The following AKNAD1 variants were observed in gnomAD, a reference collection of about 807,000 sequenced individuals.
The protein encoded by AKNAD1 is protein AKNAD1.
Under a neutral mutation model 90.8 loss-of-function variants are expected in AKNAD1, and 67 were observed. That is an observed-to-expected ratio of 0.74 (90% CI 0.61 to 0.90). The LOEUF (loss-of-function observed/expected upper bound fraction) is 0.90, where lower values mean the gene tolerates loss of function less well. Among genes scored for constraint, AKNAD1 ranks in the 40% least tolerant of loss-of-function variants. AKNAD1 has a pLI of 0.00. For missense variants in AKNAD1, 957 were observed against 975.4 expected, an observed-to-expected ratio of 0.98 and a Z score of 0.25; for synonymous variants, 327 against 341.4, an observed-to-expected ratio of 0.96 and a Z score of 0.46.
intron 7 of AKNAD1, 157 bp downstream of exon 7, chr1:108,837,393 G>A: frequency 1.5e-6 from 1 of 658,662 alleles, no homozygotes; most frequent in Non-Finnish European, 2.4e-6. Context: ...TTTAAAAGCT[G>A]GTTCCATTTA....
chr1:108,835,627 ATTT>A (rs200186739), intron 7 of AKNAD1, among the ~76,000 whole-genome samples: 20,373 of 145,108 alleles, frequency 0.14, 1,538 homozygotes, highest in African/African-American at 0.2. Context: ...TGTTAATTTA[ATTT>A]TTTTTTTTTT....
At chr1:108,826,843 A>G (rs1664012912) in intron 11 of AKNAD1, among the ~76,000 whole-genome samples, 1 of 149,178 alleles carries the variant, frequency 6.7e-6, no homozygotes, top group Non-Finnish European at 1.5e-5. Flanking sequence ...GGACTCAAGC[A>G]ATCTTCCCAC....
In AKNAD1 at chr1:108,852,285, C is replaced by A; in HGVS notation, c.380G>T (p.Gly127Val). The change falls in exon 2 of 16, where the codon GGC (glycine) becomes GTC (valine). Residue 127 changes from glycine to valine, a missense_variant. Coordinates refer to ENST00000370001, the MANE Select transcript of AKNAD1 (RefSeq NM_152763.5). ...CTCTGGGAGGGTTTCACAATCAATG[C>A]CTTGACCTCTTAAGAATGGCTCTTT... is the stretch of plus-strand genomic sequence containing the variant. Reference protein sequence around the residue: ...LSKEPFLRGQGIDCETLPEIS... With the variant: ...LSKEPFLRGQVIDCETLPEIS... The A allele has an allele frequency of 6.2e-7, 1 of 1,614,112 alleles. No individual in the cohort carries two copies. Among genetic ancestry groups the A allele is most frequent in the Non-Finnish European group, 8.5e-7 (1 of 1,180,034 alleles).
chr1:108,847,053 C>A (rs935826731), intron 5 of AKNAD1, among the ~76,000 whole-genome samples: 2 of 152,120 alleles, frequency 1.3e-5, no homozygotes, highest in African/African-American at 4.8e-5. Context: ...TGCCAGCCTT[C>A]GTTCAGGCCC....
At position 108,849,471 on chromosome 1, in the gene AKNAD1, C is replaced by G. The variant is rs113304264; in HGVS notation, c.1033+66G>C. 855 of 1,020,110 alleles carry G rather than the reference C, an allele frequency of 8.4e-4. 6 individuals carry two copies. In the African/African-American group the frequency reaches 0.012, roughly 14 times the overall value. The allele number at this position is 1,020,110 out of a possible 1,614,324, so 63.2% of individuals were successfully genotyped here. A position where few individuals can be genotyped will look rare whatever the true frequency, so the allele number is the denominator to read the frequency against. On this transcript the variant is annotated intron_variant, in intron 3 of 15. Coordinates refer to ENST00000370001, the MANE Select transcript of AKNAD1 (RefSeq NM_152763.5). ...TCCAGCCTGGGTGACAGAGTGAGAC[C>G]CTGTCTCAAAAAGACAAAAACAAAA...
intron 5 of AKNAD1, among the ~76,000 whole-genome samples, chr1:108,844,633 C>T (rs567343316): frequency 6.6e-6 from 1 of 152,152 alleles, no homozygotes; most frequent in Admixed American, 6.6e-5. Context: ...GGATCAGACA[C>T]AGCTGGGTGC....
At position 108,852,213 on chromosome 1, in the gene AKNAD1, A is replaced by G. The variant is rs780613148; in HGVS notation, c.452T>C (p.Ile151Thr). 1.2e-6 allele frequency: 2 copies of G among 1,613,316 alleles called. No homozygotes were observed. The highest frequency in any genetic ancestry group is 2.2e-5 in the East Asian group (1 of 44,880). The change falls in exon 2 of 16, where the codon ATT becomes ACT. Residue 151 changes from isoleucine (I) to threonine (T), a missense_variant. By Grantham distance (89) the Ile-to-Thr change is moderately conservative. Transcript: ENST00000370001. Reference protein sequence around the residue: ...SFEEEAIIKSIISCYNKNSWP... With the variant: ...SFEEEAIIKSTISCYNKNSWP... ...AGAATTCTTATTATAACATGAAATA[A>G]TACTTTTAATAATAGCTTCCTCTTC...
At chr1:108,834,210 C>T (rs1427788063) in intron 9 of AKNAD1, among the ~76,000 whole-genome samples, 1 of 152,048 alleles carries the variant, frequency 6.6e-6, no homozygotes, top group East Asian at 1.9e-4. Context: ...GATTCATAGG[C>T]TCGGAGAAGT....
At chr1:108,847,467 A>G (rs1213043070) in intron 5 of AKNAD1, among the ~76,000 whole-genome samples, 1 of 151,752 alleles carries the variant, frequency 6.6e-6, no homozygotes, top group Middle Eastern at 3.2e-3. Flanking sequence ...AAAACAAAAA[A>G]AAAAACCTTC....
intron 5 of AKNAD1, among the ~76,000 whole-genome samples, chr1:108,845,379 T>C (rs981321062): frequency 6.6e-6 from 1 of 152,174 alleles, no homozygotes; most frequent in African/African-American, 2.4e-5. Flanking sequence ...TGTGCCGTCA[T>C]GGAGTTGACT....
intron 9 of AKNAD1, among the ~76,000 whole-genome samples, chr1:108,833,792 A>G (rs911928644): frequency 2.0e-5 from 3 of 151,468 alleles, no homozygotes; most frequent in Non-Finnish European, 2.9e-5. Context: ...CTGACATTTA[A>G]GGCAGATTTA....
upstream of AKNAD1, among the ~76,000 whole-genome samples, chr1:108,857,861 A>G (rs894175679): frequency 6.6e-6 from 1 of 152,246 alleles, no homozygotes; most frequent in Non-Finnish European, 1.5e-5. Context: ...CAATGATTCA[A>G]CAATCTAAAT....
At chr1:108,838,459 T>C (rs1447722168) in intron 6 of AKNAD1, among the ~76,000 whole-genome samples, 1 of 152,072 alleles carries the variant, frequency 6.6e-6, no homozygotes, top group Non-Finnish European at 1.5e-5. Flanking sequence ...AAAACCAATG[T>C]AATGCAGTTA....
At position 108,848,907 on chromosome 1, in the gene AKNAD1, A is replaced by G. The variant is rs1307163470; in HGVS notation, c.1182+5T>C. On this transcript the variant is annotated splice_donor_5th_base_variant and intron_variant, in intron 4 of 15. Transcript: ENST00000370001. ...ATTGTTTATAATAAGCTTTAAAAGT[A>G]TTACTTTAGTCTTCAGTTGATCAGT... The G allele has an allele frequency of 6.3e-7, 1 of 1,599,444 alleles. No individual in the cohort carries two copies. Among genetic ancestry groups the G allele is most frequent in the Non-Finnish European group, 8.5e-7 (1 of 1,175,696 alleles).
rs766868986 is a variant in AKNAD1 at position 108,851,910 on chromosome 1, C to T, written c.755G>A (p.Gly252Asp). 2.8e-5 allele frequency: 46 copies of T among 1,614,074 alleles called. No homozygotes were observed. The East Asian group carries it at 1.0e-3, about 35-fold the overall frequency. Reference sequence around the variant, plus strand: ...ATCAGGGAGCTGGTAATGAACTTGACCTTGGCCGTATTTGAACGTGTTGCC... The same window carrying T: ...ATCAGGGAGCTGGTAATGAACTTGATCTTGGCCGTATTTGAACGTGTTGCC... ...NSGNTFKYGQ[G>D]QVHYQLPDFS... The change falls in exon 2 of 16, where the codon GGT becomes GAT. Residue 252 changes from glycine (G) to aspartate (D), a missense_variant. By Grantham distance (94) the Gly-to-Asp change is moderately conservative. Transcript: ENST00000370001.
At chr1:108,823,785 T>A (rs2101164422) in intron 11 of AKNAD1, 97 bp from the exon 12 acceptor site, 2 of 1,559,470 alleles carry the variant, frequency 1.3e-6, no homozygotes, top group Non-Finnish European at 1.7e-6. Flanking sequence ...GCAGGGTATG[T>A]GTTTGGCACC....
At chr1:108,842,588 C>T (rs1664582358) in intron 6 of AKNAD1, among the ~76,000 whole-genome samples, 1 of 152,158 alleles carries the variant, frequency 6.6e-6, no homozygotes, top group Admixed American at 6.5e-5. Context: ...CTCACCCTGA[C>T]ACCAATTAAC....
At position 108,852,665 on chromosome 1, in the gene AKNAD1, G is replaced by T; in HGVS notation, c.-1C>A. The T allele has an allele frequency of 6.4e-7, 1 of 1,571,074 alleles. No homozygotes were observed. The highest frequency in any genetic ancestry group is 8.6e-7 in the Non-Finnish European group (1 of 1,160,832). ...GTTCTGAAAAATCAGCCTCATCCATGTGTGTGCAGCCCGATCGCTCTCGTC... is the reference window on the plus strand; with the variant it reads ...GTTCTGAAAAATCAGCCTCATCCATTTGTGTGCAGCCCGATCGCTCTCGTC... On this transcript the variant is annotated 5_prime_UTR_variant, in exon 2 of 16. Coordinates refer to ENST00000370001, the MANE Select transcript of AKNAD1 (RefSeq NM_152763.5).
At chr1:108,830,106 A>T (rs1277223) in intron 10 of AKNAD1, among the ~76,000 whole-genome samples, 89,404 of 151,838 alleles carry the variant, frequency 0.59, 26,647 homozygotes, top group East Asian at 0.65. Flanking sequence ...ACTTTTGCTC[A>T]TCATAAGGAG....
Sources: gnomAD v4.1 joint callset for allele counts (sites outside exome capture counted in the v4.1 genomes callset) on GRCh38, gnomAD v4.1.1 for gene constraint, MANE v1.5 for transcripts, NCBI Gene and HGNC (gene_info 2026-07-23, HGNC 2026-07-21) for gene names.